The following LIG1 variants were observed in gnomAD, a reference collection of about 807,000 sequenced individuals.
The protein encoded by LIG1 is DNA ligase 1.
A neutral mutation model predicts 115.7 loss-of-function variants in LIG1; 70 were observed. The observed-to-expected ratio is 0.60, with a 90% CI of 0.50 to 0.74. The LOEUF (loss-of-function observed/expected upper bound fraction) is 0.74. Ranked by LOEUF, LIG1 falls within the 30% of genes least tolerant of loss-of-function variation. LIG1 has a pLI of 0.00. For missense variants in LIG1, 1,115 were observed against 1,225.6 expected (o/e 0.91, Z 1.35); for synonymous variants, 487 against 495.3 (o/e 0.98, Z 0.22).
intron 4 of LIG1, 159 bp downstream of exon 4, chr19:48,161,213 A>G (rs2036156825): frequency 9.5e-7 from 1 of 1,048,528 alleles, no homozygotes; most frequent in East Asian, 2.4e-5. Flanking sequence ...AGGGGCAATT[A>G]GGACCAGGTT....
intron 24 of LIG1, 185 bp downstream of exon 24, chr19:48,120,985 C>A (rs1482950918): frequency 6.8e-7 from 1 of 1,481,010 alleles, no homozygotes; most frequent in Admixed American, 2.3e-5. Context: ...TCTATCCCAG[C>A]CTGTTTTTCT....
At position 48,155,053 on chromosome 19, in the gene LIG1, T is replaced by C. The variant is rs1354275696; in HGVS notation, c.371-1086A>G. Among the ~76,000 whole-genome samples, 3 of 152,112 alleles carry C rather than the reference T, an allele frequency of 2.0e-5. No homozygotes were observed. The East Asian group carries it at 5.8e-4, about 29-fold the overall frequency. ...ATGTGAGGTTTGGGACATAGCTCAA[T>C]GTTGCTCCCTCTGAACAAGATCCCC... On this transcript the variant is annotated intron_variant, in intron 5 of 27. Coordinates refer to ENST00000263274, the MANE Select transcript of LIG1 (RefSeq NM_000234.3).
intron 11 of LIG1, among the ~76,000 whole-genome samples, chr19:48,143,238 G>C (rs1044450277): frequency 6.6e-6 from 1 of 152,188 alleles, no homozygotes; most frequent in Non-Finnish European, 1.5e-5. Flanking sequence ...GATGACTCAG[G>C]GTGGACTAGA....
At chr19:48,150,660 T>C (rs898648603) in intron 7 of LIG1, among the ~76,000 whole-genome samples, 3 of 152,214 alleles carry the variant, frequency 2.0e-5, no homozygotes, top group African/African-American at 7.2e-5. Context: ...ACATTTAATT[T>C]ACACCTATGA....
At chr19:48,162,163 G>C in intron 3 of LIG1, 99 bp downstream of exon 3, 2 of 1,177,068 alleles carry the variant, frequency 1.7e-6, no homozygotes, top group Non-Finnish European at 2.5e-6. Flanking sequence ...AAAGTTTTTT[G>C]GGCCCCAAGA....
intron 27 of LIG1, 52 bp from the exon 28 acceptor site, chr19:48,115,784 C>T: frequency 1.3e-6 from 2 of 1,583,318 alleles, no homozygotes; most frequent in Non-Finnish European, 1.7e-6. Flanking sequence ...GCTGCTCCCA[C>T]CTCCACAAGG....
chr19:48,133,940 A>G (rs1207523108), intron 17 of LIG1, 41 bp downstream of exon 17: 9 of 1,507,034 alleles, frequency 6.0e-6, no homozygotes, highest in Non-Finnish European at 7.2e-6. Context: ...AGGAGGGAGC[A>G]GGGCTGCTGC....
intron 21 of LIG1, 81 bp from the exon 22 acceptor site, chr19:48,123,399 G>GAC (rs1339130356): frequency 5.3e-6 from 8 of 1,514,366 alleles, no homozygotes; most frequent in Admixed American, 3.5e-5. Flanking sequence ...AGGCGAACAG[G>GAC]ACATGTGCGG....
In LIG1 at chr19:48,161,431, G is replaced by A. The variant is rs3730863; in HGVS notation, c.184C>T (p.Arg62Trp). The change falls in exon 4 of 28, where the codon CGG becomes TGG. Residue 62 changes from arginine (R) to tryptophan (W), a missense_variant. By Grantham distance (101) the Arg-to-Trp change is moderately radical. Coordinates refer to ENST00000263274, the MANE Select transcript of LIG1 (RefSeq NM_000234.3). ...PVKRPGRKAA[R>W]VLGSEGEEED... is the part of the protein sequence containing the mutation. ...TCTTCCCCTTCGCTGCCCAGGACCC[G>A]GGCCGCCTTCCTCCCTGGCCTCTTC... 3.5e-5 allele frequency: 56 copies of A among 1,613,964 alleles called. No individual in the cohort carries two copies. The highest frequency in any genetic ancestry group is 9.9e-5 in the South Asian group (9 of 91,080).
At chr19:48,154,098 A>G in intron 5 of LIG1, 131 bp from the exon 6 acceptor site, 1 of 777,888 alleles carries the variant, frequency 1.3e-6, no homozygotes, top group Non-Finnish European at 2.3e-6. Flanking sequence ...GCACACAGTC[A>G]CTGCCCCAGT....
At chr19:48,161,882 G>C (rs1402184786) in intron 3 of LIG1, among the ~76,000 whole-genome samples, 1 of 136,510 alleles carries the variant, frequency 7.3e-6, no homozygotes, top group Non-Finnish European at 1.6e-5. Flanking sequence ...CTGGAGTGCA[G>C]TGGGCCGAGA....
rs3730935 is a variant in LIG1, at chr19:48,143,528, G to A, written c.914+15C>T. On this transcript the variant is annotated intron_variant, in intron 11 of 27. Coordinates refer to ENST00000263274, the MANE Select transcript of LIG1 (RefSeq NM_000234.3). Reference sequence around the variant, plus strand: ...AGCGACCCCGCCCCCCACCCAGGCAGTCCTCATTAGTTACCGAGCAGACAC... The same window carrying A: ...AGCGACCCCGCCCCCCACCCAGGCAATCCTCATTAGTTACCGAGCAGACAC... 6.5e-7 allele frequency: 1 copy of A among 1,531,160 alleles called. No individual in the cohort carries two copies. Among genetic ancestry groups the A allele is most frequent in the Admixed American group, 1.8e-5 (1 of 57,090 alleles). 94.8% of individuals were successfully genotyped at this position (1,531,160 alleles called of 1,614,324 possible).
intron 9 of LIG1, among the ~76,000 whole-genome samples, chr19:48,145,163 T>C (rs947108083): frequency 6.6e-6 from 1 of 152,066 alleles, no homozygotes; most frequent in African/African-American, 2.4e-5. Flanking sequence ...CCTCCCAAAG[T>C]CCTGGGATTA....
At chr19:48,162,214 CT>C in intron 3 of LIG1, 47 bp downstream of exon 3, 1 of 1,540,586 alleles carries the variant, frequency 6.5e-7, no homozygotes. Flanking sequence ...CAAGACAATC[CT>C]GACTGCTAAA....
chr19:48,133,988 C>A lies in LIG1; in HGVS notation c.1602G>T (p.Leu534=). The A allele has an allele frequency of 6.4e-7, 1 of 1,553,824 alleles. No individual in the cohort carries two copies. Among genetic ancestry groups the A allele is most frequent in the Non-Finnish European group, 8.7e-7 (1 of 1,148,150 alleles). Residue 534 remains leucine (L), a synonymous_variant, in exon 17 of 28, where the codon CTG becomes CTT. Transcript: ENST00000263274. The part of the protein sequence containing the change: ...GLERLPEHCK[L]SPGIPLKPML... ...CGCCCCTGGGGCCTGTACCTGGGCTCAGCTTGCAGTGCTCCGGGAGACGTT... is the reference window on the plus strand; with the variant it reads ...CGCCCCTGGGGCCTGTACCTGGGCTAAGCTTGCAGTGCTCCGGGAGACGTT...
At position 48,137,073 on chromosome 19, in the gene LIG1, C is replaced by T; in HGVS notation, c.1266G>A (p.Lys422=). The T allele has an allele frequency of 6.2e-7, 1 of 1,612,856 alleles. No individual in the cohort carries two copies. The highest frequency in any genetic ancestry group is 2.2e-5 in the East Asian group (1 of 44,832). The part of the protein sequence containing the change: ...ARLTGSASTA[K]KIDIIKGLFV... Reference sequence around the variant, plus strand: ...AGAGGCCTTTGATGATGTCTATCTTCTTGGCTGTGGACTGGAGAGTCAGGG... The same window carrying T: ...AGAGGCCTTTGATGATGTCTATCTTTTTGGCTGTGGACTGGAGAGTCAGGG... Residue 422 remains lysine (K), a synonymous_variant, in exon 14 of 28, where the codon AAG becomes AAA. Transcript: ENST00000263274. This position sits in a 1 kb window ranked among gnomAD's most constrained non-coding sequence, Gnocchi z 4.3.
In LIG1 at chr19:48,117,154, A is replaced by G. The variant is rs866977172; in HGVS notation, c.2583+484T>C. ...TGCCCTGGGAATTCTTTTATTTAAGAAAAGAATTTTCTTTTCTTTTTTTGA... is the reference window on the plus strand; with the variant it reads ...TGCCCTGGGAATTCTTTTATTTAAGGAAAGAATTTTCTTTTCTTTTTTTGA... On this transcript the variant is annotated intron_variant, in intron 26 of 27. Coordinates refer to ENST00000263274, the MANE Select transcript of LIG1 (RefSeq NM_000234.3). 4.0e-5 allele frequency among the ~76,000 whole-genome samples: 6 copies of G among 149,562 alleles called. No homozygotes were observed. In the South Asian group the frequency reaches 1.3e-3, roughly 32 times the overall value.
chr19:48,127,850 G>A, intron 20 of LIG1, 60 bp downstream of exon 20: 1 of 1,384,736 alleles, frequency 7.2e-7, no homozygotes, highest in South Asian at 1.2e-5. Context: ...CCACAGCCAG[G>A]ACTGGGTGGA....
At chr19:48,158,356 C>T (rs570040490) in intron 4 of LIG1, among the ~76,000 whole-genome samples, 6 of 120,406 alleles carry the variant, frequency 5.0e-5, no homozygotes, top group African/African-American at 1.7e-4. Context: ...CAAACGACAG[C>T]ACAGAGGAAG....
Sources: gnomAD v4.1 joint callset for allele counts (sites outside exome capture counted in the v4.1 genomes callset) on GRCh38, gnomAD v4.1.1 for gene constraint, Gnocchi (gnomAD v3.1) non-coding constraint, MANE v1.5 for transcripts, NCBI Gene and HGNC (gene_info 2026-07-23, HGNC 2026-07-21) for gene names.